The following DHX9 variants were observed in gnomAD, a reference collection of about 807,000 sequenced individuals.
DHX9 encodes DExH-box helicase 9.
A neutral mutation model predicts 148.7 loss-of-function variants in DHX9; 27 were observed. The ratio of observed to expected loss-of-function variants is 0.18; its 90% confidence interval spans 0.13 to 0.25. The LOEUF is 0.25. Ranked by LOEUF, DHX9 falls within the 10% of genes least tolerant of loss-of-function variation. The pLI, the probability that DHX9 is intolerant of heterozygous loss-of-function variation, is 1.00. For missense variants in DHX9, 796 were observed against 1,559.6 expected, an observed-to-expected ratio of 0.51 and a Z score of 8.25; for synonymous variants, 529 against 516.6, an observed-to-expected ratio of 1.02 and a Z score of -0.33.
In DHX9 at chr1:182,876,047, C is replaced by T. The variant is rs138878241; in HGVS notation, c.1816-3C>T. The T allele has an allele frequency of 1.9e-6, 3 of 1,612,258 alleles. No homozygotes were observed. The highest frequency in any genetic ancestry group is 2.5e-6 in the Non-Finnish European group (3 of 1,179,230). ...CAAAAATATGTCTCCCTGTTTTTTA[C>T]AGGCAAATTGCAACTTGATCTGTGG... On this transcript the variant is annotated splice_polypyrimidine_tract_variant and splice_region_variant and intron_variant, in intron 16 of 27. Transcript: ENST00000367549.
intron 12 of DHX9, 22 bp downstream of exon 12, chr1:182,860,206 A>C: frequency 6.5e-7 from 1 of 1,543,414 alleles, no homozygotes; most frequent in Non-Finnish European, 8.7e-7. Flanking sequence ...ACCAACCATG[A>C]AATACCTAGA....
Position 182,876,151 on chromosome 1 carries a change from T to C in DHX9, c.1917T>C (p.Ala639=), listed in dbSNP as rs1418434261. 4 of 1,614,036 alleles carry C rather than the reference T, an allele frequency of 2.5e-6. No homozygotes were observed. In the Admixed American group the frequency reaches 6.7e-5, roughly 27 times the overall value. Residue 639 remains alanine, a synonymous_variant, in exon 17 of 28, where the codon GCT becomes GCC. Transcript: ENST00000367549. ...EKETPFELIE[A]LLKYIETLNV... ...AAACTCCTTTTGAACTCATCGAGGC[T>C]CTACTTAAGTACATTGAAACCCTTA... is the stretch of plus-strand genomic sequence containing the variant.
chr1:182,861,112 A>T (rs954894047), intron 12 of DHX9, among the ~76,000 whole-genome samples: 2 of 152,208 alleles, frequency 1.3e-5, no homozygotes, highest in African/African-American at 4.8e-5. Context: ...TGAAATTGAG[A>T]TACATTTTTA....
In DHX9 at chr1:182,858,035, T is replaced by G; in HGVS notation, c.674-69T>G. 8.6e-6 allele frequency: 13 copies of G among 1,519,394 alleles called. 1 individual carries two copies. In the South Asian group the frequency reaches 1.7e-4, roughly 19 times the overall value. 94.1% of individuals were successfully genotyped at this position (1,519,394 alleles called of 1,614,324 possible). ...TTCTTGTGTACGTAAGCCCATAGTT[T>G]CTTGTGATAAGATGTTTCTTTACTC... On this transcript the variant is annotated intron_variant, in intron 7 of 27. Coordinates refer to ENST00000367549, the MANE Select transcript of DHX9 (RefSeq NM_001357.5).
At position 182,881,332 on chromosome 1, in the gene DHX9, A is replaced by G. The variant is rs1031349520; in HGVS notation, c.2693A>G (p.Lys898Arg). Residue 898 changes from lysine (K) to arginine (R), a missense_variant, in exon 23 of 28, where the codon AAG becomes AGG. Coordinates refer to ENST00000367549, the MANE Select transcript of DHX9 (RefSeq NM_001357.5). ...CFPEPFINEGKRLGYIHRNFA... is the reference protein window; with the variant it reads ...CFPEPFINEGRRLGYIHRNFA... ...CCAGAGCCTTTCATCAATGAAGGAA[A>G]GCGGCTGGGCTATATCCATCGAAAT... is the stretch of plus-strand genomic sequence containing the variant. 6.2e-7 allele frequency: 1 copy of G among 1,614,210 alleles called. No homozygotes were observed. Among genetic ancestry groups the G allele is most frequent in the Non-Finnish European group, 8.5e-7 (1 of 1,180,032 alleles).
rs1332502859 is a variant in DHX9, at chr1:182,867,057, GAGGTACAGTA to G, written c.1557+21_1557+30del. The stretch of plus-strand genomic sequence containing the variant: ...AGAGATATTAATGTAAGTAACTTGA[GAGGTACAGTA>G]AGGTACTTAATTCTGCTATTTCTAA... On this transcript the variant is annotated intron_variant, in intron 14 of 27. Transcript: ENST00000367549. 1.3e-6 allele frequency: 2 copies of G among 1,534,504 alleles called. No individual in the cohort carries two copies. The highest frequency in any genetic ancestry group is 8.9e-7 in the Non-Finnish European group (1 of 1,122,132).
rs749922121 is a variant in DHX9 at position 182,876,226 on chromosome 1, T to C, written c.1992T>C (p.Tyr664=). The change falls in exon 17 of 28, where the codon TAT becomes TAC. Residue 664 remains tyrosine, a synonymous_variant. Coordinates refer to ENST00000367549, the MANE Select transcript of DHX9 (RefSeq NM_001357.5). ...TTTTGCCTGGCTGGAATCTGATTTA[T>C]ACTATGCAGAAGCATTTGGAAATGA... ...LVFLPGWNLI[Y]TMQKHLEMNP... 37 of 1,613,894 alleles carry C rather than the reference T, an allele frequency of 2.3e-5. No homozygotes were observed. Among genetic ancestry groups the C allele is most frequent in the Non-Finnish European group, 3.1e-5 (37 of 1,179,882 alleles).
rs976678112 is a variant in DHX9, at chr1:182,887,938, C to T, written c.*504C>T. On this transcript the variant is annotated 3_prime_UTR_variant, in exon 28 of 28. Transcript: ENST00000367549. ...CTTTTGAAGTAAATACTGGCAAGTG[C>T]ACAAGCCACATAAACCTGAATAAAA... 7.2e-5 allele frequency among the ~76,000 whole-genome samples: 11 copies of T among 152,198 alleles called. No homozygotes were observed. Among genetic ancestry groups the T allele is most frequent in the Admixed American group, 5.9e-4 (9 of 15,276 alleles).
rs1341100726 is a variant in DHX9 at position 182,839,413 on chromosome 1, G to A, written c.-66G>A. The A allele has an allele frequency of 1.3e-5, 2 of 152,454 alleles. No homozygotes were observed. Among genetic ancestry groups the A allele is most frequent in the Non-Finnish European group, 2.9e-5 (2 of 68,112 alleles). 9.4% of individuals were successfully genotyped at this position (152,454 alleles called of 1,614,324 possible). A position where few individuals can be genotyped will look rare whatever the true frequency, so the allele number is the denominator to read the frequency against. ...TCTGTTGTCTCGGTAGAAGGCCAGA[G>A]TCACACACGGTCCTAAGAGCTGGGC... On this transcript the variant is annotated 5_prime_UTR_variant, in exon 1 of 28. Coordinates refer to ENST00000367549, the MANE Select transcript of DHX9 (RefSeq NM_001357.5).
At chr1:182,851,257 A>C (rs575207767) in intron 3 of DHX9, among the ~76,000 whole-genome samples, 1 of 152,346 alleles carries the variant, frequency 6.6e-6, no homozygotes, top group South Asian at 2.1e-4. Flanking sequence ...TGGCAGAAGC[A>C]AAGTGGTAAT....
Position 182,881,758 on chromosome 1 carries a change from A to G in DHX9, c.2914+111A>G, listed in dbSNP as rs1022324145. 2.6e-6 allele frequency: 3 copies of G among 1,156,552 alleles called. No homozygotes were observed. The East Asian group carries it at 7.4e-5, about 29-fold the overall frequency. The allele number at this position is 1,156,552 out of a possible 1,614,324, so 71.6% of individuals were successfully genotyped here. The stretch of plus-strand genomic sequence containing the variant: ...AAATTTTAGACCCTATGATTTTTAT[A>G]TATTCCCGACTATTTCTTAGTTCTC... On this transcript the variant is annotated intron_variant, in intron 24 of 27. Transcript: ENST00000367549.
chr1:182,884,963 G>C (rs905657214), intron 27 of DHX9, 150 bp downstream of exon 27: 2 of 708,728 alleles, frequency 2.8e-6, no homozygotes, highest in African/African-American at 3.6e-5. Flanking sequence ...TTGATGTTCT[G>C]AGTTCTAACA....
rs1049265 is a variant in DHX9, at chr1:182,881,335, G to A, written c.2696G>A (p.Arg899Gln). 4.3e-6 allele frequency: 7 copies of A among 1,614,034 alleles called. No individual in the cohort carries two copies. The highest frequency in any genetic ancestry group is 3.4e-6 in the Non-Finnish European group (4 of 1,180,020). Residue 899 changes from arginine (R) to glutamine (Q), a missense_variant, in exon 23 of 28, where the codon CGG becomes CAG. Arg to Gln is a conservative substitution (Grantham distance 43). Around this residue, in one of 14 missense-constraint regions of DHX9, gnomAD observed 122 missense variants for 289.3 expected, o/e 0.42. Coordinates refer to ENST00000367549, the MANE Select transcript of DHX9 (RefSeq NM_001357.5). The stretch of plus-strand genomic sequence containing the variant: ...GAGCCTTTCATCAATGAAGGAAAGC[G>A]GCTGGGCTATATCCATCGAAATTTT... ...FPEPFINEGK[R>Q]LGYIHRNFAG...
intron 22 of DHX9, 32 bp downstream of exon 22, chr1:182,880,640 G>A (rs1649043038): frequency 6.5e-6 from 9 of 1,394,464 alleles, no homozygotes; most frequent in Non-Finnish European, 9.2e-6. Context: ...TCTTCGTTAA[G>A]TGGCAGAATA....
chr1:182,875,136 G>A (rs1431670127), intron 16 of DHX9, 182 bp downstream of exon 16: 6 of 636,104 alleles, frequency 9.4e-6, no homozygotes, highest in Non-Finnish European at 1.8e-5. Flanking sequence ...TCAGTGACAA[G>A]CTGTTTTCTA....
chr1:182,875,532 C>T (rs967953074), intron 16 of DHX9, among the ~76,000 whole-genome samples: 3 of 152,044 alleles, frequency 2.0e-5, no homozygotes, highest in Admixed American at 6.6e-5. Context: ...GAGAGTTGGA[C>T]GACGATAGTA....
intron 12 of DHX9, among the ~76,000 whole-genome samples, chr1:182,866,211 CTATTT>C (rs1648289682): frequency 6.6e-6 from 1 of 152,130 alleles, no homozygotes; most frequent in Non-Finnish European, 1.5e-5. Context: ...ACTTTGCATA[CTATTT>C]TAAGAGTTGG....
chr1:182,843,466 A>G, intron 3 of DHX9, 32 bp downstream of exon 3: 1 of 1,531,504 alleles, frequency 6.5e-7, no homozygotes, highest in Non-Finnish European at 8.8e-7. Flanking sequence ...CTTGAGATGT[A>G]TGTTGTAAAG....
chr1:182,875,513 G>T (rs1648720092), intron 16 of DHX9, among the ~76,000 whole-genome samples: 1 of 152,188 alleles, frequency 6.6e-6, no homozygotes, highest in Non-Finnish European at 1.5e-5. Context: ...AAAAGACTTT[G>T]TAGTGCTTGA....
Sources: allele counts gnomAD v4.1 joint callset (sites outside exome capture counted in the v4.1 genomes callset), GRCh38; gene constraint gnomAD v4.1.1; regional missense constraint gnomAD v4.1.1; transcripts MANE v1.5; gene names NCBI Gene and HGNC (gene_info 2026-07-23, HGNC 2026-07-21).